The following TNFRSF13C variants were observed in gnomAD, a reference collection of about 807,000 sequenced individuals.
TNFRSF13C encodes tumor necrosis factor receptor superfamily member 13C.
Under a neutral mutation model 12.1 loss-of-function variants are expected in TNFRSF13C, and 7 were observed. That is an observed-to-expected ratio of 0.58 (90% CI 0.33 to 1.08). The LOEUF (loss-of-function observed/expected upper bound fraction) is 1.08, where lower values mean the gene tolerates loss of function less well. Ranked by LOEUF, TNFRSF13C falls within the 50% of genes least tolerant of loss-of-function variation. The probability of loss-of-function intolerance (pLI) is 0.04; values close to 1 mark genes in which losing one functional copy is unlikely to be tolerated. For missense variants in TNFRSF13C, 260 were observed against 265.9 expected, an observed-to-expected ratio of 0.98 and a Z score of 0.15; for synonymous variants, 157 against 130.8, an observed-to-expected ratio of 1.20 and a Z score of -1.37.
In TNFRSF13C at chr22:41,926,732, T is replaced by C. The variant is rs1203429496; in HGVS notation, c.42A>G (p.Pro14=). 2 of 1,417,142 alleles carry C rather than the reference T, an allele frequency of 1.4e-6. No homozygotes were observed. The highest frequency in any genetic ancestry group is 3.1e-5 in the East Asian group (1 of 32,666). The allele number at this position is 1,417,142 out of a possible 1,614,324, so 87.8% of individuals were successfully genotyped here. ...CGGCCGGGACGCAGGGCGTGGGGGC[T>C]GGCGCGTCCCTGCCCCGCAGGCTCC... is the stretch of plus-strand genomic sequence containing the variant. ...GPRSLRGRDA[P]APTPCVPAEC... is the part of the protein sequence containing the mutation. Residue 14 remains proline, a synonymous_variant, in exon 1 of 3, where the codon CCA becomes CCG. Transcript: ENST00000291232. The surrounding 1 kb of genome is among the most constrained non-coding windows in gnomAD (Gnocchi z 4.9).
At position 41,925,159 on chromosome 22, in the gene TNFRSF13C, A is replaced by G. The variant is rs2077622795; in HGVS notation, c.*208T>C. The G allele has an allele frequency of 1.2e-5, 7 of 574,992 alleles. No individual in the cohort carries two copies. In the South Asian group the frequency reaches 1.6e-4, roughly 13 times the overall value. The allele number at this position is 574,992 out of a possible 1,614,324, so 35.6% of individuals were successfully genotyped here. A position where few individuals can be genotyped will look rare whatever the true frequency, so the allele number is the denominator to read the frequency against. On this transcript the variant is annotated 3_prime_UTR_variant, in exon 3 of 3. Coordinates refer to ENST00000291232, the MANE Select transcript of TNFRSF13C (RefSeq NM_052945.4). ...TGGGCTACCACCTTCAAGGGCTGTC[A>G]AAGATGGTGAGGTCTGAAGCCAAAG... is the stretch of plus-strand genomic sequence containing the variant.
chr22:41,926,007 T>C lies in TNFRSF13C; in HGVS notation c.367+94A>G. The C allele has an allele frequency of 2.0e-6, 3 of 1,513,676 alleles. No individual in the cohort carries two copies. The highest frequency in any genetic ancestry group is 1.8e-6 in the Non-Finnish European group (2 of 1,103,954). 93.8% of individuals were successfully genotyped at this position (1,513,676 alleles called of 1,614,324 possible). ...TCCGTTTCCCCTTAAAGCCCTTCTC[T>C]CCCCCTCAGGGGCCATGCATCTCCC... On this transcript the variant is annotated intron_variant, in intron 2 of 2. Transcript: ENST00000291232. The surrounding 1 kb of genome is among the most constrained non-coding windows in gnomAD (Gnocchi z 4.9).
rs1032621483 is a variant in TNFRSF13C at position 41,926,330 on chromosome 22, G to A, written c.138C>T (p.Ala46=). ...GLLRTPRPKP[A]GASSPAPRTA... is the part of the protein sequence containing the mutation. ...TCCTGGGCGCAGGGCTGCTGGCCCCGGCTGCTTCGGGAGGGGACAGGGAGG... is the reference window on the plus strand; with the variant it reads ...TCCTGGGCGCAGGGCTGCTGGCCCCAGCTGCTTCGGGAGGGGACAGGGAGG... The change falls in exon 2 of 3, where the codon GCC becomes GCT. Residue 46 remains alanine, a splice_region_variant and synonymous_variant. Transcript: ENST00000291232. This position sits in a 1 kb window ranked among gnomAD's most constrained non-coding sequence, Gnocchi z 4.9. The A allele has an allele frequency of 1.4e-6, 2 of 1,414,408 alleles. No homozygotes were observed. The highest frequency in any genetic ancestry group is 1.8e-6 in the Non-Finnish European group (2 of 1,092,376). The allele number at this position is 1,414,408 out of a possible 1,614,324, so 87.6% of individuals were successfully genotyped here.
chr22:41,925,695 T>C (rs1367657481), intron 2 of TNFRSF13C, 141 bp from the exon 3 acceptor site: 1 of 1,039,008 alleles, frequency 9.6e-7, no homozygotes, highest in African/African-American at 1.6e-5. Context: ...TGACCCTGAG[T>C]CCAGAGGCCT....
At position 41,926,447 on chromosome 22, in the gene TNFRSF13C, C is replaced by T; in HGVS notation, c.137-116G>A. 2.9e-6 allele frequency: 2 copies of T among 684,288 alleles called. No individual in the cohort carries two copies. Among genetic ancestry groups the T allele is most frequent in the Non-Finnish European group, 4.1e-6 (2 of 488,442 alleles). 42.4% of individuals were successfully genotyped at this position (684,288 alleles called of 1,614,324 possible). On this transcript the variant is annotated intron_variant, in intron 1 of 2. Transcript: ENST00000291232. This position sits in a 1 kb window ranked among gnomAD's most constrained non-coding sequence, Gnocchi z 4.9. ...GGGGAGGGGAGGGACAGCCGGGGGG[C>T]GGTGGACAAGGGGAGGGAGAGAGGC... is the stretch of plus-strand genomic sequence containing the variant.
Position 41,926,757 on chromosome 22 carries a change from CGG to C in TNFRSF13C, c.15_16del (p.Arg6GlufsTer133). 1 of 1,361,800 alleles carries C rather than the reference CGG, an allele frequency of 7.3e-7. No homozygotes were observed. Among genetic ancestry groups the C allele is most frequent in the Non-Finnish European group, 9.4e-7 (1 of 1,060,308 alleles). The allele number at this position is 1,361,800 out of a possible 1,614,324, so 84.4% of individuals were successfully genotyped here. A position where few individuals can be genotyped will look rare whatever the true frequency, so the allele number is the denominator to read the frequency against. ...TGGCGCGTCCCTGCCCCGCAGGCTC[CGG>C]GGCCCTCGCCTCATGGTGCCGACGC... On this transcript the variant is annotated frameshift_variant, in exon 1 of 3. Transcript: ENST00000291232. LOFTEE classifies it high-confidence loss of function. This position sits in a 1 kb window ranked among gnomAD's most constrained non-coding sequence, Gnocchi z 4.9.
In TNFRSF13C at chr22:41,923,676, C is replaced by T. The variant is rs1263056786; in HGVS notation, c.*1691G>A. On this transcript the variant is annotated 3_prime_UTR_variant, in exon 3 of 3. Coordinates refer to ENST00000291232, the MANE Select transcript of TNFRSF13C (RefSeq NM_052945.4). ...CTACACAAAGGAGCCTCCTGTAGGT[C>T]CCAGCCCTTCCATGTTTATGGCTAA... 3.3e-5 allele frequency: 5 copies of T among 152,252 alleles called. No individual in the cohort carries two copies. Among genetic ancestry groups the T allele is most frequent in the Non-Finnish European group, 7.3e-5 (5 of 68,058 alleles). 9.4% of individuals were successfully genotyped at this position (152,252 alleles called of 1,614,324 possible). A position where few individuals can be genotyped will look rare whatever the true frequency, so the allele number is the denominator to read the frequency against.
rs2077622086 is a variant in TNFRSF13C, at chr22:41,924,978, A to AAAAAAAAAAAAAAAAAAC, written c.*388_*389insGTTTTTTTTTTTTTTTTT. On this transcript the variant is annotated 3_prime_UTR_variant, in exon 3 of 3. Transcript: ENST00000291232. ...AAAAAAAAAAAAAAAAAAAAAAAAA[A>AAAAAAAAAAAAAAAAAAC]ATCAAACAAACACAAAAAACCACCC... 1 of 157,194 alleles carries AAAAAAAAAAAAAAAAAAC rather than the reference A, an allele frequency of 6.4e-6. No homozygotes were observed. Among genetic ancestry groups the AAAAAAAAAAAAAAAAAAC allele is most frequent in the African/African-American group, 2.5e-5 (1 of 40,304 alleles). The allele number at this position is 157,194 out of a possible 1,614,324, so 9.7% of individuals were successfully genotyped here. A position where few individuals can be genotyped will look rare whatever the true frequency, so the allele number is the denominator to read the frequency against.
chr22:41,925,739 G>A (rs1478163164), intron 2 of TNFRSF13C, among the ~76,000 whole-genome samples, 185 bp from the exon 3 acceptor site: 1 of 152,114 alleles, frequency 6.6e-6, no homozygotes, highest in Non-Finnish European at 1.5e-5. Flanking sequence ...AGGGAGTTGG[G>A]GAGCTGGGGC....
rs894456375 is a variant in TNFRSF13C, at chr22:41,923,941, G to C, written c.*1426C>G. ...GATACCTGAGAATCAGCAAAATCCA[G>C]CTCAATCTTTTCTCCTTTGTTATTT... is the stretch of plus-strand genomic sequence containing the variant. On this transcript the variant is annotated 3_prime_UTR_variant, in exon 3 of 3. Coordinates refer to ENST00000291232, the MANE Select transcript of TNFRSF13C (RefSeq NM_052945.4). 2.0e-5 allele frequency: 3 copies of C among 152,214 alleles called. No homozygotes were observed. The highest frequency in any genetic ancestry group is 2.0e-4 in the Admixed American group (3 of 15,276). The allele number at this position is 152,214 out of a possible 1,614,324, so 9.4% of individuals were successfully genotyped here.
At position 41,923,256 on chromosome 22, in the gene TNFRSF13C, G is replaced by C. The variant is rs1264717180; in HGVS notation, c.*2111C>G. ...CCCAGGGCCCAAGAGTGGGAAAACA[G>C]CACCCAGAACTCCACCTTCTGACTC... On this transcript the variant is annotated 3_prime_UTR_variant, in exon 3 of 3. Transcript: ENST00000291232. The C allele has an allele frequency of 1.3e-5, 2 of 154,680 alleles. No homozygotes were observed. The highest frequency in any genetic ancestry group is 4.8e-5 in the African/African-American group (2 of 41,506). 9.6% of individuals were successfully genotyped at this position (154,680 alleles called of 1,614,324 possible). A position where few individuals can be genotyped will look rare whatever the true frequency, so the allele number is the denominator to read the frequency against.
At position 41,926,015 on chromosome 22, in the gene TNFRSF13C, A is replaced by C; in HGVS notation, c.367+86T>G. On this transcript the variant is annotated intron_variant, in intron 2 of 2. Coordinates refer to ENST00000291232, the MANE Select transcript of TNFRSF13C (RefSeq NM_052945.4). The surrounding 1 kb of genome is among the most constrained non-coding windows in gnomAD (Gnocchi z 4.9). ...CCCTTAAAGCCCTTCTCTCCCCCTC[A>C]GGGGCCATGCATCTCCCCCTAGACC... 1 of 1,547,464 alleles carries C rather than the reference A, an allele frequency of 6.5e-7. No individual in the cohort carries two copies. The highest frequency in any genetic ancestry group is 8.8e-7 in the Non-Finnish European group (1 of 1,130,030).
intron 2 of TNFRSF13C, among the ~76,000 whole-genome samples, chr22:41,925,872 G>C (rs1255622626): frequency 6.6e-6 from 1 of 152,138 alleles, no homozygotes; most frequent in African/African-American, 2.4e-5. Context: ...TCCTCACACT[G>C]GGGTCTGTCA....
At chr22:41,925,687 A>C in intron 2 of TNFRSF13C, 133 bp from the exon 3 acceptor site, 1 of 1,127,226 alleles carries the variant, frequency 8.9e-7, no homozygotes, top group Non-Finnish European at 1.3e-6. Flanking sequence ...CACCTGGCTG[A>C]CCCTGAGTCC....
At position 41,922,986 on chromosome 22, in the gene TNFRSF13C, C is replaced by G. The variant is rs1367392807; in HGVS notation, c.*2381G>C. 1 of 152,424 alleles carries G rather than the reference C, an allele frequency of 6.6e-6. No homozygotes were observed. Among genetic ancestry groups the G allele is most frequent in the East Asian group, 1.9e-4 (1 of 5,194 alleles). 9.4% of individuals were successfully genotyped at this position (152,424 alleles called of 1,614,324 possible). ...TTGTCACTTGACCTCACCCTGTCAC[C>G]TGGCTCCCTGGGGGCAGGGGCATCT... is the stretch of plus-strand genomic sequence containing the variant. On this transcript the variant is annotated 3_prime_UTR_variant, in exon 3 of 3. Coordinates refer to ENST00000291232, the MANE Select transcript of TNFRSF13C (RefSeq NM_052945.4).
Position 41,926,120 on chromosome 22 carries a change from G to A in TNFRSF13C, c.348C>T (p.Ala116=), listed in dbSNP as rs1489481979. The change falls in exon 2 of 3, where the codon GCC becomes GCT. Residue 116 remains alanine, a synonymous_variant. Transcript: ENST00000291232. This position sits in a 1 kb window ranked among gnomAD's most constrained non-coding sequence, Gnocchi z 4.9. ...ACTCACCGTCCTTGTCTCCGTCGGG[G>A]GCCTCTGCGGAGGACGCGCCGCGAA... ...RRLRGASSAE[A]PDGDKDAPEP... 6.2e-7 allele frequency: 1 copy of A among 1,612,374 alleles called. No homozygotes were observed. Among genetic ancestry groups the A allele is most frequent in the Non-Finnish European group, 8.5e-7 (1 of 1,179,804 alleles).
chr22:41,925,601 CTCCCTCCCCTAGAAG>C, intron 2 of TNFRSF13C, 47 bp from the exon 3 acceptor site: 1 of 1,602,726 alleles, frequency 6.2e-7, no homozygotes, highest in Non-Finnish European at 8.5e-7. Context: ...ACAGCCTTCC[CTCCCTCCCCTAGAAG>C]ACTCCTCTGG....
Position 41,922,401 on chromosome 22 carries a change from T to A in TNFRSF13C, c.*2966A>T, listed in dbSNP as rs1185214332. The A allele has an allele frequency of 2.0e-5, 3 of 152,230 alleles. No homozygotes were observed. The highest frequency in any genetic ancestry group is 7.2e-5 in the African/African-American group (3 of 41,446). The allele number at this position is 152,230 out of a possible 1,614,324, so 9.4% of individuals were successfully genotyped here. Reference sequence around the variant, plus strand: ...GTCTGTTAAATGCATATGAGAATTATCTAAGGTTCCTTCCTGCCCTTCTCT... The same window carrying A: ...GTCTGTTAAATGCATATGAGAATTAACTAAGGTTCCTTCCTGCCCTTCTCT... On this transcript the variant is annotated 3_prime_UTR_variant, in exon 3 of 3. Coordinates refer to ENST00000291232, the MANE Select transcript of TNFRSF13C (RefSeq NM_052945.4).
chr22:41,926,778 C>A lies in TNFRSF13C; in HGVS notation c.-5G>T. On this transcript the variant is annotated 5_prime_UTR_variant, in exon 1 of 3. Transcript: ENST00000291232. The surrounding 1 kb of genome is among the most constrained non-coding windows in gnomAD (Gnocchi z 4.9). ...GCTCCGGGGCCCTCGCCTCATGGTG[C>A]CGACGCCGCCGCACAAGCTGCGGGG... is the stretch of plus-strand genomic sequence containing the variant. The A allele has an allele frequency of 7.6e-7, 1 of 1,323,592 alleles. No homozygotes were observed. The highest frequency in any genetic ancestry group is 2.0e-5 in the South Asian group (1 of 49,574). The allele number at this position is 1,323,592 out of a possible 1,614,324, so 82.0% of individuals were successfully genotyped here. A position where few individuals can be genotyped will look rare whatever the true frequency, so the allele number is the denominator to read the frequency against.
Sources: gnomAD v4.1 joint callset for allele counts (sites outside exome capture counted in the v4.1 genomes callset) on GRCh38, gnomAD v4.1.1 for gene constraint, Gnocchi (gnomAD v3.1) non-coding constraint, MANE v1.5 for transcripts, NCBI Gene and HGNC (gene_info 2026-07-23, HGNC 2026-07-21) for gene names.